Variants in COL11A1 observed in about 807,000 individuals in gnomAD.
COL11A1 encodes the protein collagen alpha-1(XI) chain.
In COL11A1, 74 loss-of-function variants were observed where a neutral mutation model predicts 265.2. The ratio of observed to expected loss-of-function variants is 0.28; its 90% CI spans 0.23 to 0.34. The LOEUF (loss-of-function observed/expected upper bound fraction) is 0.34, where lower values mean the gene tolerates loss of function less well. COL11A1 is among the 10% of genes least tolerant of loss of function. COL11A1 has a pLI of 1.00. For missense variants in COL11A1, 2,165 were observed against 2,263.6 expected (o/e 0.96, Z 0.88); for synonymous variants, 816 against 727.6 (o/e 1.12, Z -1.96).
intron 36 of COL11A1, among the ~76,000 whole-genome samples, chr1:102,974,479 G>A (rs1487598506): frequency 6.6e-6 from 1 of 152,102 alleles, no homozygotes; most frequent in Non-Finnish European, 1.5e-5. Context: ...TTATTTTGAT[G>A]ATGGAAGATA....
At chr1:102,924,053 C>CA (rs577410207) in intron 46 of COL11A1, among the ~76,000 whole-genome samples, 11,605 of 106,732 alleles carry the variant, frequency 0.11, 551 homozygotes, top group Non-Finnish European at 0.14. Flanking sequence ...ACTAAAAATA[C>CA]AAAAAAAAAA....
At chr1:103,031,029 G>A in intron 5 of COL11A1, 87 bp downstream of exon 5, 1 of 1,429,576 alleles carries the variant, frequency 7.0e-7, no homozygotes, top group Non-Finnish European at 9.8e-7. Context: ...TAATTAAAAT[G>A]GAATAAATAA....
chr1:102,998,435 G>T, intron 24 of COL11A1, 72 bp from the exon 25 acceptor site: 2 of 1,048,016 alleles, frequency 1.9e-6, no homozygotes, highest in African/African-American at 1.6e-5. Context: ...CATATACTAT[G>T]AATGAAATTC....
chr1:103,054,519 C>T (rs1391066808), intron 4 of COL11A1, among the ~76,000 whole-genome samples: 2 of 151,828 alleles, frequency 1.3e-5, no homozygotes, highest in East Asian at 1.9e-4. Context: ...CTATGTTAAC[C>T]ATATCTGTGT....
chr1:102,897,441 A>ATATATAT (rs66523451), intron 57 of COL11A1, among the ~76,000 whole-genome samples: 1 of 150,414 alleles, frequency 6.6e-6, no homozygotes, highest in African/African-American at 2.4e-5. Flanking sequence ...ATAAGAAAAA[A>ATATATAT]AAATATATAT....
chr1:102,902,489 CATT>C (rs1653339348), intron 54 of COL11A1, among the ~76,000 whole-genome samples: 1 of 152,008 alleles, frequency 6.6e-6, no homozygotes, highest in Non-Finnish European at 1.5e-5. Context: ...GTATTAAAAA[CATT>C]AATATTTAAA....
intron 1 of COL11A1, among the ~76,000 whole-genome samples, chr1:103,091,198 T>C (rs2102367849): frequency 6.6e-6 from 1 of 152,234 alleles, no homozygotes; most frequent in Non-Finnish European, 1.5e-5. Context: ...ATTAAAGATT[T>C]AAAAATGTAA....
chr1:103,086,487 G>A (rs1026861800), intron 1 of COL11A1, among the ~76,000 whole-genome samples: 2 of 152,132 alleles, frequency 1.3e-5, no homozygotes, highest in African/African-American at 4.8e-5. Context: ...CGCGATCTCG[G>A]CTCGCTGCAA....
intron 59 of COL11A1, 129 bp from the exon 60 acceptor site, chr1:102,889,048 G>T: frequency 2.4e-6 from 2 of 842,744 alleles, no homozygotes; most frequent in East Asian, 2.5e-5. Flanking sequence ...ATTTATGAAT[G>T]GCTTAAACAT....
chr1:102,936,397 T>A (rs918930644), intron 44 of COL11A1, among the ~76,000 whole-genome samples: 7 of 152,248 alleles, frequency 4.6e-5, no homozygotes, highest in African/African-American at 1.7e-4. Context: ...TAAATGTGAT[T>A]ATAAATAATC....
rs778371759 is a variant in COL11A1, at chr1:102,883,253, A to G, written c.4917T>C (p.Cys1639=). The G allele has an allele frequency of 2.5e-6, 4 of 1,613,722 alleles. No individual in the cohort carries two copies. Among genetic ancestry groups the G allele is most frequent in the Non-Finnish European group, 3.4e-6 (4 of 1,179,754 alleles). Reference sequence around the variant, plus strand: ...AAGTCTCACCACCAGATGTGAAATTACAGTAAACTTTGAAGGAATCTCCTG... The same window carrying G: ...AAGTCTCACCACCAGATGTGAAATTGCAGTAAACTTTGAAGGAATCTCCTG... ...GCSGDSFKVY[C]NFTSGGETCI... The change falls in exon 64 of 67, where the codon TGT becomes TGC. Residue 1639 remains cysteine (C), a synonymous_variant. Coordinates refer to ENST00000370096, the MANE Select transcript of COL11A1 (RefSeq NM_001854.4).
intron 41 of COL11A1, among the ~76,000 whole-genome samples, chr1:102,954,287 G>T (rs923446471): frequency 6.6e-6 from 1 of 152,142 alleles, no homozygotes; most frequent in Non-Finnish European, 1.5e-5. Flanking sequence ...TATTCCTGGA[G>T]CAATGAGAAT....
In COL11A1 at chr1:103,001,973, T is replaced by A. The variant is rs759906097; in HGVS notation, c.2098-4A>T. 14 of 1,611,530 alleles carry A rather than the reference T, an allele frequency of 8.7e-6. No homozygotes were observed. Among genetic ancestry groups the A allele is most frequent in the Non-Finnish European group, 9.3e-6 (11 of 1,177,880 alleles). On this transcript the variant is annotated splice_region_variant and splice_polypyrimidine_tract_variant and intron_variant, in intron 23 of 66. Transcript: ENST00000370096. The stretch of plus-strand genomic sequence containing the variant: ...GACCTTGTGGACCAGGAAGACCCTA[T>A]TTTAAAAGAATTTATTTCATATATC...
chr1:103,032,957 ACC>A (rs1242152876), intron 4 of COL11A1, among the ~76,000 whole-genome samples: 20 of 152,214 alleles, frequency 1.3e-4, no homozygotes, highest in Non-Finnish European at 2.1e-4. Flanking sequence ...GCCTTGTCCA[ACC>A]ATCACTACTA....
chr1:103,076,675 T>C (rs1432566593), intron 3 of COL11A1, among the ~76,000 whole-genome samples: 3 of 152,146 alleles, frequency 2.0e-5, no homozygotes, highest in Non-Finnish European at 4.4e-5. Flanking sequence ...ATGTTTTACT[T>C]TGAGGATTCA....
chr1:102,969,145 T>C (rs1257870836), intron 37 of COL11A1, among the ~76,000 whole-genome samples: 1 of 152,204 alleles, frequency 6.6e-6, no homozygotes, highest in East Asian at 1.9e-4. Flanking sequence ...ATTTCAATTT[T>C]GCTTTTGAAA....
chr1:102,987,802 G>T (rs1328638696), intron 29 of COL11A1, 62 bp from the exon 30 acceptor site: 3 of 1,251,948 alleles, frequency 2.4e-6, no homozygotes, highest in Non-Finnish European at 3.5e-6. Flanking sequence ...TTGTAACAGG[G>T]AAAAAATTAT....
In COL11A1 at chr1:102,878,102, T is replaced by C. The variant is rs1649726469; in HGVS notation, c.5338A>G (p.Ile1780Val). 1 of 1,613,322 alleles carries C rather than the reference T, an allele frequency of 6.2e-7. No homozygotes were observed. Among genetic ancestry groups the C allele is most frequent in the Non-Finnish European group, 8.5e-7 (1 of 1,179,570 alleles). Residue 1780 changes from isoleucine to valine, a missense_variant, in exon 67 of 67, where the codon ATT (isoleucine) becomes GTT (valine). Transcript: ENST00000370096. ...AAGTCATTGATCATGACATCAACAA[T>C]AGGTACTTGATCAATTTTTGGTGTA... is the stretch of plus-strand genomic sequence containing the variant. Reference protein sequence around the residue: ...INTPKIDQVPIVDVMINDFGD... With the variant: ...INTPKIDQVPVVDVMINDFGD...
At chr1:103,082,677 A>G in intron 2 of COL11A1, 128 bp downstream of exon 2, 1 of 790,992 alleles carries the variant, frequency 1.3e-6, no homozygotes, top group African/African-American at 1.7e-5. Flanking sequence ...ATTTTACCAT[A>G]TAATTGCACA....
Sources: allele counts gnomAD v4.1 joint callset (sites outside exome capture counted in the v4.1 genomes callset), GRCh38; gene constraint gnomAD v4.1.1; transcripts MANE v1.5; gene names NCBI Gene and HGNC (gene_info 2026-07-23, HGNC 2026-07-21).